Variants in RASA2 observed in about 807,000 individuals in gnomAD.
The protein encoded by RASA2 is ras GTPase-activating protein 2.
In RASA2, 155 loss-of-function variants were observed where a neutral mutation model predicts 118.2. The ratio of observed to expected loss-of-function variants is 1.31; its 90% confidence interval spans 1.15 to 1.50. RASA2 has a LOEUF of 1.50. Ranked by LOEUF, RASA2 falls within the 40% of genes most tolerant of loss-of-function variation. RASA2 has a pLI of 0.00. For missense variants in RASA2, 1,016 were observed against 1,009.6 expected (o/e 1.01, Z -0.09); for synonymous variants, 353 against 349.1 (o/e 1.01, Z -0.12).
At position 141,513,077 on chromosome 3, in the gene RASA2, A is replaced by C. The variant is rs548256713; in HGVS notation, c.251+797A>C. ...AAACTCCATCTCAGAAAAAAAAAAA[A>C]AAACAAAAAAACGAAAAACAGGGTG... On this transcript the variant is annotated intron_variant, in intron 2 of 23. Coordinates refer to ENST00000286364, the MANE Select transcript of RASA2 (RefSeq NM_006506.5). 5.4e-5 allele frequency among the ~76,000 whole-genome samples: 8 copies of C among 146,960 alleles called. No individual in the cohort carries two copies. In the East Asian group the frequency reaches 5.8e-4, roughly 11 times the overall value.
Position 141,553,885 on chromosome 3 carries a change from A to C in RASA2, c.556A>C (p.Ile186Leu). The change falls in exon 6 of 24, where the codon ATA becomes CTA. Residue 186 changes from isoleucine (I) to leucine (L), a missense_variant. By Grantham distance (5) the Ile-to-Leu change is conservative. Coordinates refer to ENST00000286364, the MANE Select transcript of RASA2 (RefSeq NM_006506.5). ...HIKACHGLPL[I>L]NGQSCDPYAT... Reference sequence around the variant, plus strand: ...CAAGGCATGCCATGGGTTGCCTCTCATAAATGGCCAAAGCTGTGACCCTTA... The same window carrying C: ...CAAGGCATGCCATGGGTTGCCTCTCCTAAATGGCCAAAGCTGTGACCCTTA... 1 of 1,612,292 alleles carries C rather than the reference A, an allele frequency of 6.2e-7. No homozygotes were observed. The highest frequency in any genetic ancestry group is 8.5e-7 in the Non-Finnish European group (1 of 1,178,938).
chr3:141,521,711 T>A (rs1231999081), intron 3 of RASA2, among the ~76,000 whole-genome samples: 1 of 152,162 alleles, frequency 6.6e-6, no homozygotes, highest in African/African-American at 2.4e-5. Context: ...TTTTCTTAAA[T>A]GTTTATTCTT....
intron 3 of RASA2, among the ~76,000 whole-genome samples, chr3:141,521,827 G>A (rs2082115316): frequency 6.7e-6 from 1 of 150,320 alleles, no homozygotes; most frequent in Non-Finnish European, 1.5e-5. Flanking sequence ...AGTGGTTGAT[G>A]GTTTTACTTA....
At chr3:141,612,228 C>A in intron 23 of RASA2, 55 bp from the exon 24 acceptor site, 1 of 1,288,190 alleles carries the variant, frequency 7.8e-7, no homozygotes, top group Non-Finnish European at 1.1e-6. Flanking sequence ...TATTTGTCAC[C>A]CTTTAAATTT....
chr3:141,555,790 A>G, intron 6 of RASA2, 50 bp from the exon 7 acceptor site: 1 of 1,494,280 alleles, frequency 6.7e-7, no homozygotes, highest in Non-Finnish European at 9.2e-7. Context: ...ATGTTTTATA[A>G]TTGTGTACTG....
At chr3:141,559,035 G>GTAAACCAAC in intron 8 of RASA2, 73 bp downstream of exon 8, 1 of 1,281,768 alleles carries the variant, frequency 7.8e-7, no homozygotes, top group Non-Finnish European at 1.1e-6. Context: ...ACCAAAAAAA[G>GTAAACCAAC]TAAACCAACT....
chr3:141,542,028 C>T (rs1257319238), intron 5 of RASA2, among the ~76,000 whole-genome samples: 1 of 151,930 alleles, frequency 6.6e-6, no homozygotes. Flanking sequence ...GGTTTGTTTG[C>T]ATTCAATTTA....
chr3:141,551,048 A>G (rs375479839), intron 5 of RASA2, among the ~76,000 whole-genome samples: 1 of 151,994 alleles, frequency 6.6e-6, no homozygotes, highest in Admixed American at 6.6e-5. Flanking sequence ...CTTCTTTGTC[A>G]TTTCTGATTC....
rs577890145 is a variant in RASA2, at chr3:141,523,261, G to A, written c.356-6447G>A. The stretch of plus-strand genomic sequence containing the variant: ...CTGCCTCAGCCTCCTGAGTAGCTGG[G>A]ATTACAAATACCCACCCCCACACCT... On this transcript the variant is annotated intron_variant, in intron 3 of 23. Coordinates refer to ENST00000286364, the MANE Select transcript of RASA2 (RefSeq NM_006506.5). Among the ~76,000 whole-genome samples the A allele has an allele frequency of 7.2e-5, 11 of 152,118 alleles. 1 individual carries two copies. In the East Asian group the frequency reaches 1.9e-3, roughly 27 times the overall value.
intron 5 of RASA2, among the ~76,000 whole-genome samples, chr3:141,541,045 A>AT (rs1381328935): frequency 6.6e-6 from 1 of 151,882 alleles, no homozygotes; most frequent in Non-Finnish European, 1.5e-5. Context: ...CCCTCAAGTC[A>AT]TTTTTTACCA....
In RASA2 at chr3:141,610,021, A is replaced by G; in HGVS notation, c.2474A>G (p.Glu825Gly). The change falls in exon 23 of 24, where the codon GAA (glutamate) becomes GGA (glycine). Residue 825 changes from glutamate (E) to glycine (G), a missense_variant. Glu to Gly is a moderately conservative substitution (Grantham distance 98). This residue lies in a region of RASA2 where 120 missense variants were observed against 173.2 expected (regional missense o/e 0.69). Coordinates refer to ENST00000286364, the MANE Select transcript of RASA2 (RefSeq NM_006506.5). ...ATTGAGAAGCTGGATGAACCTCATG[A>G]AAAATATAGGAAGAAAAGATCCAGT... The part of the protein sequence containing the change: ...SIIEKLDEPH[E>G]KYRKKRSSSA... 6.2e-7 allele frequency: 1 copy of G among 1,604,546 alleles called. No homozygotes were observed. The highest frequency in any genetic ancestry group is 2.3e-5 in the East Asian group (1 of 44,244).
rs777106623 is a variant in RASA2 at position 141,559,891 on chromosome 3, C to T, written c.762-3C>T. ...AAACATAAAGCCAGTTTTCAATTTTCAGGATCGACTTGTGGAACAATGGAA... is the reference window on the plus strand; with the variant it reads ...AAACATAAAGCCAGTTTTCAATTTTTAGGATCGACTTGTGGAACAATGGAA... On this transcript the variant is annotated splice_polypyrimidine_tract_variant and splice_region_variant and intron_variant, in intron 8 of 23. Transcript: ENST00000286364. 3 of 1,611,898 alleles carry T rather than the reference C, an allele frequency of 1.9e-6. No homozygotes were observed. Among genetic ancestry groups the T allele is most frequent in the African/African-American group, 2.7e-5 (2 of 74,822 alleles).
chr3:141,565,094 TC>T (rs571665675), intron 9 of RASA2, among the ~76,000 whole-genome samples: 59 of 152,306 alleles, frequency 3.9e-4, no homozygotes, highest in African/African-American at 1.4e-3. Context: ...CAAGCGATTC[TC>T]CTGCCTCAGC....
chr3:141,545,491 G>A (rs910349392), intron 5 of RASA2, among the ~76,000 whole-genome samples: 1 of 140,510 alleles, frequency 7.1e-6, no homozygotes, highest in Non-Finnish European at 1.5e-5. Flanking sequence ...TTGAGATGGA[G>A]TCTCACTCTG....
In RASA2 at chr3:141,559,965, T is replaced by G. The variant is rs1321340184; in HGVS notation, c.833T>G (p.Val278Gly). 6.2e-7 allele frequency: 1 copy of G among 1,613,236 alleles called. No individual in the cohort carries two copies. The highest frequency in any genetic ancestry group is 2.2e-5 in the East Asian group (1 of 44,774). Residue 278 changes from valine to glycine, a missense_variant, in exon 9 of 24, where the codon GTA (valine) becomes GGA (glycine). By Grantham distance (109) the Val-to-Gly change is moderately radical (BLOSUM62 -3). Coordinates refer to ENST00000286364, the MANE Select transcript of RASA2 (RefSeq NM_006506.5). ...FLGEIKVPVN[V>G]LRTDSSHQAW... ...GGTGAGATTAAGGTTCCTGTGAACG[T>G]ATTAAGAACTGATTCCTCTCATCAA...
In RASA2 at chr3:141,613,461, A is replaced by T. The variant is rs1283479567; in HGVS notation, c.*1148A>T. The T allele has an allele frequency of 3.9e-5, 6 of 152,202 alleles. No homozygotes were observed. Among genetic ancestry groups the T allele is most frequent in the Admixed American group, 2.6e-4 (4 of 15,282 alleles). The allele number at this position is 152,202 out of a possible 1,614,324, so 9.4% of individuals were successfully genotyped here. A position where few individuals can be genotyped will look rare whatever the true frequency, so the allele number is the denominator to read the frequency against. ...CTAGAAATTTACTTTTGTCCTAAAA[A>T]CCCTAACTGTAAATAAGCAGTCGAA... On this transcript the variant is annotated 3_prime_UTR_variant, in exon 24 of 24. Coordinates refer to ENST00000286364, the MANE Select transcript of RASA2 (RefSeq NM_006506.5).
rs1217726282 is a variant in RASA2, at chr3:141,540,737, C to T, written c.527+128C>T. ...AAAATGAAATTCTGCTATGTCATTC[C>T]TTTTGTGAAGTTGATTTTCAATTTA... On this transcript the variant is annotated intron_variant, in intron 5 of 23. Transcript: ENST00000286364. The T allele has an allele frequency of 1.6e-5, 12 of 728,438 alleles. No homozygotes were observed. In the South Asian group the frequency reaches 2.1e-4, roughly 13 times the overall value. The allele number at this position is 728,438 out of a possible 1,614,324, so 45.1% of individuals were successfully genotyped here.
intron 8 of RASA2, among the ~76,000 whole-genome samples, 183 bp downstream of exon 8, chr3:141,559,145 A>G (rs1263241159): frequency 2.0e-5 from 3 of 152,180 alleles, no homozygotes; most frequent in Non-Finnish European, 2.9e-5. Context: ...TTGTTTGCAG[A>G]AATAGTCAAA....
At chr3:141,536,847 A>G (rs2082334372) in intron 4 of RASA2, among the ~76,000 whole-genome samples, 1 of 149,940 alleles carries the variant, frequency 6.7e-6, no homozygotes, top group Non-Finnish European at 1.5e-5. Context: ...TCCTGGGTTC[A>G]AGTGATTCTC....
Sources: gnomAD v4.1 joint callset for allele counts (sites outside exome capture counted in the v4.1 genomes callset) on GRCh38, gnomAD v4.1.1 for gene constraint, gnomAD v4.1.1 regional missense constraint, MANE v1.5 for transcripts, NCBI Gene and HGNC (gene_info 2026-07-23, HGNC 2026-07-21) for gene names.